LARGE1: variants seen among roughly 807,000 people sequenced by gnomAD.
The protein encoded by LARGE1 is LARGE xylosyl- and glucuronyltransferase 1, also known as xylosyl- and glucuronyltransferase LARGE1.
In LARGE1, 43 loss-of-function variants were observed where a neutral mutation model predicts 87.6. That is an observed-to-expected ratio of 0.49 (90% CI 0.38 to 0.63). The LOEUF (loss-of-function observed/expected upper bound fraction) is 0.63. LARGE1 is among the 30% of genes least tolerant of loss of function. The pLI, the probability that LARGE1 is intolerant of heterozygous loss-of-function variation, is 0.00. For missense variants in LARGE1, 802 were observed against 1,000.2 expected, an observed-to-expected ratio of 0.80 and a Z score of 2.67; for synonymous variants, 434 against 394.6, an observed-to-expected ratio of 1.10 and a Z score of -1.18.
At chr22:33,355,714 T>C (rs1303234915) in intron 9 of LARGE1, among the ~76,000 whole-genome samples, 3 of 69,836 alleles carry the variant, frequency 4.3e-5, no homozygotes, top group Admixed American at 4.1e-4. Flanking sequence ...GTTAATATCA[T>C]GCACCTGAGC....
intron 2 of LARGE1, among the ~76,000 whole-genome samples, chr22:33,665,265 G>T (rs240355): frequency 0.51 from 76,796 of 151,982 alleles, 21,387 homozygotes; most frequent in Middle Eastern, 0.65. Flanking sequence ...AAGTATAAAC[G>T]TATCTGTTTC....
chr22:33,240,997 G>A (rs1195052123), intron 11 of LARGE1, among the ~76,000 whole-genome samples: 1 of 152,120 alleles, frequency 6.6e-6, no homozygotes, highest in Admixed American at 6.5e-5. Context: ...CTTCCCAGGA[G>A]GAGTGCTGCT....
At chr22:33,155,984 T>G in the LARGE1 span, among the ~76,000 whole-genome samples, 1 of 152,228 alleles carries the variant, frequency 6.6e-6, no homozygotes, top group African/African-American at 2.4e-5. Flanking sequence ...GCCTTGCATC[T>G]TCCATGTAGT....
chr22:33,904,241 C>T (rs763247772), intron 1 of LARGE1, among the ~76,000 whole-genome samples: 10 of 152,094 alleles, frequency 6.6e-5, no homozygotes, highest in Non-Finnish European at 1.0e-4. Context: ...CTGCAACCTC[C>T]GACTCCCTGG....
chr22:33,556,540 G>GGAGGGAGGGAGGA (rs2077686877), intron 6 of LARGE1, among the ~76,000 whole-genome samples: 1 of 53,244 alleles, frequency 1.9e-5, no homozygotes, highest in Non-Finnish European at 4.3e-5. Context: ...GGGAGGGAAG[G>GGAGGGAGGGAGGA]AGGGAGGGAG....
intron 11 of LARGE1, among the ~76,000 whole-genome samples, chr22:33,223,268 G>A (rs1440845387): frequency 1.3e-5 from 2 of 152,184 alleles, no homozygotes; most frequent in African/African-American, 4.8e-5. Flanking sequence ...AGAAGCTTGA[G>A]CAGAAAATGA....
chr22:33,541,997 T>A (rs1016469942), intron 6 of LARGE1, among the ~76,000 whole-genome samples: 8 of 151,710 alleles, frequency 5.3e-5, no homozygotes, highest in African/African-American at 1.9e-4. Context: ...ACCCCATCTC[T>A]ACTAAAATAC....
intron 1 of LARGE1, among the ~76,000 whole-genome samples, chr22:33,817,329 T>A (rs1207159258): frequency 6.6e-6 from 1 of 152,162 alleles, no homozygotes; most frequent in Non-Finnish European, 1.5e-5. Flanking sequence ...TATTAGATAC[T>A]TTCTAAGCCC....
chr22:33,358,869 G>C lies in LARGE1; in HGVS notation c.1132-21068C>G, dbSNP rs111772505. On this transcript the variant is annotated intron_variant, in intron 9 of 14. Transcript: ENST00000397394. The stretch of plus-strand genomic sequence containing the variant: ...AAAAATTAGCCAGGTGTGGTGGCAG[G>C]CACCTGTAGTCCCAGCTACTCGGGA... Among the ~76,000 whole-genome samples the C allele has an allele frequency of 4.1e-3, 626 of 152,100 alleles. 1 individual carries two copies. The highest frequency in any genetic ancestry group is 0.014 in the African/African-American group (590 of 41,464).
intron 3 of LARGE1, among the ~76,000 whole-genome samples, chr22:33,631,483 A>G (rs2080109562): frequency 6.6e-6 from 1 of 152,188 alleles, no homozygotes; most frequent in Non-Finnish European, 1.5e-5. Flanking sequence ...TTTGTTAAAA[A>G]CTAAGACATA....
intron 1 of LARGE1, among the ~76,000 whole-genome samples, chr22:33,870,677 T>C (rs1266083063): frequency 2.6e-5 from 4 of 152,102 alleles, no homozygotes; most frequent in African/African-American, 9.7e-5. Flanking sequence ...CCAGCGATTC[T>C]CCTGCCTCAA....
At chr22:33,444,097 C>A (rs760042390) in intron 6 of LARGE1, among the ~76,000 whole-genome samples, 1 of 152,196 alleles carries the variant, frequency 6.6e-6, no homozygotes, top group Non-Finnish European at 1.5e-5. Context: ...TGCTGCAAAG[C>A]GGGGTTGTAG....
At chr22:33,836,940 C>G (rs918135068) in intron 1 of LARGE1, among the ~76,000 whole-genome samples, 2 of 152,132 alleles carry the variant, frequency 1.3e-5, no homozygotes, top group East Asian at 1.9e-4. Flanking sequence ...CATGAACATA[C>G]TGAGAACGAA....
At chr22:33,151,093 C>T in the LARGE1 span, among the ~76,000 whole-genome samples, 1,427 of 152,292 alleles carry the variant, frequency 9.4e-3, 30 homozygotes, top group African/African-American at 0.033. Flanking sequence ...CAGTATGCTT[C>T]TCCATTTATT....
intron 1 of LARGE1, among the ~76,000 whole-genome samples, chr22:33,844,426 G>T (rs1049111878): frequency 2.0e-5 from 3 of 152,142 alleles, no homozygotes; most frequent in Non-Finnish European, 4.4e-5. Context: ...CATCTCCAAT[G>T]GGGCTCTCCT....
At chr22:33,488,137 G>C (rs936936052) in intron 6 of LARGE1, among the ~76,000 whole-genome samples, 1 of 152,192 alleles carries the variant, frequency 6.6e-6, no homozygotes, top group Non-Finnish European at 1.5e-5. Flanking sequence ...CAAATGTCTA[G>C]AATTGTGCTT....
rs546146903 is a variant in LARGE1 at position 33,817,418 on chromosome 22, TAGAC to T, written c.-82-55864_-82-55861del. ...GTACTGCCACCCCATTTTACAGCCA[TAGAC>T]AGATCACTCGTTTGTGTTTCTCTCT... On this transcript the variant is annotated intron_variant, in intron 1 of 14. Transcript: ENST00000397394. Among the ~76,000 whole-genome samples the T allele has an allele frequency of 7.1e-3, 1,074 of 152,250 alleles. 8 individuals are homozygous for T. The highest frequency in any genetic ancestry group is 8.5e-3 in the Non-Finnish European group (581 of 68,014).
At chr22:33,810,731 T>A (rs2086466791) in intron 1 of LARGE1, among the ~76,000 whole-genome samples, 1 of 151,876 alleles carries the variant, frequency 6.6e-6, no homozygotes, top group African/African-American at 2.4e-5. Flanking sequence ...GAATTTCTTT[T>A]TTTTTTTTTT....
intron 1 of LARGE1, among the ~76,000 whole-genome samples, chr22:33,876,563 G>A (rs2064472928): frequency 6.6e-6 from 1 of 151,782 alleles, no homozygotes; most frequent in Non-Finnish European, 1.5e-5. Flanking sequence ...ACCAAACACT[G>A]CATTGTTCTC....
Sources: gnomAD v4.1 joint callset for allele counts (sites outside exome capture counted in the v4.1 genomes callset) on GRCh38, gnomAD v4.1.1 for gene constraint, MANE v1.5 for transcripts, NCBI Gene and HGNC (gene_info 2026-07-23, HGNC 2026-07-21) for gene names.